The following TRAP1 variants were observed in gnomAD, a reference collection of about 807,000 sequenced individuals.
TRAP1 encodes the protein heat shock protein 75 kDa, mitochondrial.
TRAP1 carries 102 observed loss-of-function variants against 89.1 expected under a neutral mutation model. The observed-to-expected ratio is 1.15, with a 90% CI of 0.98 to 1.35. The LOEUF is 1.35. Ranked by LOEUF, TRAP1 falls within the 40% of genes most tolerant of loss-of-function variation. TRAP1 has a pLI of 0.00. For synonymous variants in TRAP1, 508 were observed against 388.0 expected, an observed-to-expected ratio of 1.31 and a Z score of -3.64; for missense variants, 1,256 against 945.3, an observed-to-expected ratio of 1.33 and a Z score of -4.31.
chr16:3,668,986 G>A (rs2050874503), intron 11 of TRAP1, among the ~76,000 whole-genome samples: 1 of 152,206 alleles, frequency 6.6e-6, no homozygotes, highest in African/African-American at 2.4e-5. Flanking sequence ...CTTCATCCGT[G>A]AGCTTCCCAG....
chr16:3,681,700 T>TA (rs1555464956), intron 4 of TRAP1, among the ~76,000 whole-genome samples: 1 of 152,162 alleles, frequency 6.6e-6, no homozygotes, highest in East Asian at 1.9e-4. Context: ...ATCAGAAACT[T>TA]AAATAGAGTC....
intron 1 of TRAP1, among the ~76,000 whole-genome samples, chr16:3,713,879 G>C (rs1220163267): frequency 2.0e-5 from 3 of 152,230 alleles, no homozygotes; most frequent in Non-Finnish European, 2.9e-5. Context: ...CCACACACCA[G>C]GCCCAGGGCT....
At chr16:3,703,043 G>GGAAAAAAAAAAAAAAAA (rs564433883) in intron 1 of TRAP1, among the ~76,000 whole-genome samples, 3 of 43,510 alleles carry the variant, frequency 6.9e-5, no homozygotes, top group African/African-American at 9.1e-5. Context: ...ACTCCGTCTT[G>GGAAAAAAAAAAAAAAAA]AAAAAAAAAA....
rs779251477 is a variant in TRAP1 at position 3,661,984 on chromosome 16, C to T, written c.1940+3G>A. ...GCTGGAAGAGCCAGGAGCGTGGCCT[C>T]ACCTGGGGTTGATCTCCAGCGTGGG... On this transcript the variant is annotated splice_donor_region_variant and intron_variant, in intron 16 of 17. Transcript: ENST00000246957. 1.9e-6 allele frequency: 3 copies of T among 1,602,820 alleles called. No individual in the cohort carries two copies. The highest frequency in any genetic ancestry group is 2.6e-6 in the Non-Finnish European group (3 of 1,173,726).
chr16:3,662,661 T>C, intron 15 of TRAP1: 1 of 686,982 alleles, frequency 1.5e-6, no homozygotes, highest in Non-Finnish European at 2.7e-6. Flanking sequence ...AGTTCACACC[T>C]GCTCTGGAGC....
At chr16:3,695,659 C>CCATGT (rs1200057713) in intron 1 of TRAP1, among the ~76,000 whole-genome samples, 1 of 152,016 alleles carries the variant, frequency 6.6e-6, no homozygotes, top group African/African-American at 2.4e-5. Flanking sequence ...GATGACATCA[C>CCATGT]CACTCTGAAA....
At chr16:3,663,918 C>T (rs2050756859) in intron 13 of TRAP1, 2 of 352,822 alleles carry the variant, frequency 5.7e-6, no homozygotes, top group Admixed American at 8.6e-5. Context: ...CAAAAATTTG[C>T]TGGGTGTGGT....
intron 16 of TRAP1, chr16:3,659,670 C>T (rs1451106060): frequency 2.0e-5 from 3 of 152,022 alleles, no homozygotes; most frequent in African/African-American, 4.8e-5. Flanking sequence ...CAACTGGAGT[C>T]GGGAAAACCA....
At position 3,664,315 on chromosome 16, in the gene TRAP1, G is replaced by A; in HGVS notation, c.1528C>T (p.His510Tyr). The change falls in exon 13 of 18, where the codon CAC (histidine) becomes TAC (tyrosine). Residue 510 changes from histidine to tyrosine, a missense_variant. Transcript: ENST00000246957. Reference sequence around the variant, plus strand: ...TTCATGGCCTCATAGTAGGGTGAGTGCTCTGCCAGGTGACGGTTGGGGGCG... The same window carrying A: ...TTCATGGCCTCATAGTAGGGTGAGTACTCTGCCAGGTGACGGTTGGGGGCG... ...LCAPNRHLAE[H>Y]SPYYEAMKKK... 6.2e-7 allele frequency: 1 copy of A among 1,611,744 alleles called. No homozygotes were observed. Among genetic ancestry groups the A allele is most frequent in the Non-Finnish European group, 8.5e-7 (1 of 1,179,234 alleles).
At chr16:3,710,872 T>A (rs1354599076) in intron 1 of TRAP1, among the ~76,000 whole-genome samples, 1 of 114,674 alleles carries the variant, frequency 8.7e-6, no homozygotes, top group Non-Finnish European at 1.7e-5. Flanking sequence ...TATATATATA[T>A]ATATATATTT....
At chr16:3,714,644 G>A (rs1432977853) in intron 1 of TRAP1, among the ~76,000 whole-genome samples, 2 of 152,184 alleles carry the variant, frequency 1.3e-5, no homozygotes, top group African/African-American at 2.4e-5. Context: ...GGGCAACAGA[G>A]CAAGACTCCG....
rs137990287 is a variant in TRAP1 at position 3,708,410 on chromosome 16, G to A, written c.88+9011C>T. On this transcript the variant is annotated intron_variant, in intron 1 of 17. Transcript: ENST00000246957. The stretch of plus-strand genomic sequence containing the variant: ...TGCCAACACTTTGGGAGGCTGAGGC[G>A]GATGGATCATGAGGTCAGGAGTTCA... Among the ~76,000 whole-genome samples the A allele has an allele frequency of 1.1e-4, 16 of 152,052 alleles. No individual in the cohort carries two copies. The East Asian group carries it at 1.5e-3, about 15-fold the overall frequency.
Position 3,717,403 on chromosome 16 carries a change from C to A in TRAP1, c.88+18G>T. ...TGGCCCGGCCCGCCCGCTGCCCGTC[C>A]AGCCAGGACGCCCTCACCTCCCGGC... On this transcript the variant is annotated intron_variant, in intron 1 of 17. Coordinates refer to ENST00000246957, the MANE Select transcript of TRAP1 (RefSeq NM_016292.3). 9.2e-7 allele frequency: 1 copy of A among 1,089,304 alleles called. No individual in the cohort carries two copies. The highest frequency in any genetic ancestry group is 1.2e-6 in the Non-Finnish European group (1 of 857,552). 67.5% of individuals were successfully genotyped at this position (1,089,304 alleles called of 1,614,324 possible). A position where few individuals can be genotyped will look rare whatever the true frequency, so the allele number is the denominator to read the frequency against.
chr16:3,694,218 G>A (rs369221336), intron 1 of TRAP1, among the ~76,000 whole-genome samples: 21 of 152,068 alleles, frequency 1.4e-4, no homozygotes, highest in South Asian at 4.2e-4. Flanking sequence ...CTTCTTATAC[G>A]GATACCAGGA....
chr16:3,689,394 G>A (rs1256486976), intron 2 of TRAP1, among the ~76,000 whole-genome samples: 1 of 152,036 alleles, frequency 6.6e-6, no homozygotes. Flanking sequence ...ACAGGTGCCT[G>A]CCACCACGCC....
chr16:3,693,847 G>A (rs996050856), intron 1 of TRAP1, among the ~76,000 whole-genome samples: 1 of 152,062 alleles, frequency 6.6e-6, no homozygotes, highest in African/African-American at 2.4e-5. Context: ...ACAAAAACTA[G>A]CCAGGTGTAG....
At chr16:3,674,059 G>A (rs2050952976) in intron 9 of TRAP1, among the ~76,000 whole-genome samples, 1 of 152,172 alleles carries the variant, frequency 6.6e-6, no homozygotes, top group Non-Finnish European at 1.5e-5. Flanking sequence ...GGAAACCTCT[G>A]TGGTTACCCA....
rs1348038877 is a variant in TRAP1, at chr16:3,666,054, C to T, written c.1300G>A (p.Ala434Thr). 1.2e-6 allele frequency: 2 copies of T among 1,614,198 alleles called. No homozygotes were observed. The highest frequency in any genetic ancestry group is 1.7e-5 in the Admixed American group (1 of 60,022). ...KFFIDQSKKD[A>T]EKYAKFFEDY... ...TCAAAAAACTTTGCATACTTCTCAG[C>T]ATCTTTTTTACTCTGGTCAATGAAG... The change falls in exon 12 of 18, where the codon GCT (alanine) becomes ACT (threonine). Residue 434 changes from alanine to threonine, a missense_variant. Coordinates refer to ENST00000246957, the MANE Select transcript of TRAP1 (RefSeq NM_016292.3).
intron 1 of TRAP1, among the ~76,000 whole-genome samples, chr16:3,691,981 G>C (rs924153813): frequency 2.0e-5 from 3 of 152,090 alleles, no homozygotes; most frequent in African/African-American, 7.2e-5. Context: ...CCAGAAACCA[G>C]ACACTTTCAC....
Sources: gnomAD v4.1 joint callset for allele counts (sites outside exome capture counted in the v4.1 genomes callset) on GRCh38, gnomAD v4.1.1 for gene constraint, MANE v1.5 for transcripts, NCBI Gene and HGNC (gene_info 2026-07-23, HGNC 2026-07-21) for gene names.